The following MGST1 variants were observed in gnomAD, a reference collection of about 807,000 sequenced individuals.
The protein encoded by MGST1 is glutathione S-transferase 12.
MGST1 carries 5 observed loss-of-function variants against 8.9 expected under a neutral mutation model. The ratio of observed to expected loss-of-function variants is 0.56; its 90% CI spans 0.29 to 1.19. The LOEUF is 1.19. Ranked by LOEUF, MGST1 falls within the 50% of genes most tolerant of loss-of-function variation. The pLI is 0.08. For missense variants in MGST1, 182 were observed against 187.4 expected (o/e 0.97, Z 0.17); for synonymous variants, 54 against 67.8 (o/e 0.80, Z 1.00).
At chr12:16,528,836 G>T (rs2137198012) in intron 4 of MGST1, among the ~76,000 whole-genome samples, 1 of 152,172 alleles carries the variant, frequency 6.6e-6, no homozygotes. Flanking sequence ...GATTGGGGAT[G>T]CAGTGAGCCT....
intron 4 of MGST1, among the ~76,000 whole-genome samples, chr12:16,535,384 G>T (rs1010068237): frequency 2.0e-5 from 3 of 152,188 alleles, no homozygotes; most frequent in African/African-American, 7.2e-5. Context: ...GAAAGGTAAT[G>T]ATATTTAGAA....
chr12:16,554,089 TG>T (rs1047392442), intron 4 of MGST1, among the ~76,000 whole-genome samples: 4 of 152,228 alleles, frequency 2.6e-5, no homozygotes, highest in African/African-American at 9.6e-5. Context: ...TCTGATGTTT[TG>T]GAATTAATAT....
intron 1 of MGST1, chr12:16,349,235 A>T (rs1939344201): frequency 6.6e-6 from 1 of 152,138 alleles, no homozygotes. Context: ...CATGTGTTTC[A>T]CAATATTGAT....
chr12:16,394,575 T>TC (rs1565446472), intron 1 of MGST1, among the ~76,000 whole-genome samples: 4 of 73,300 alleles, frequency 5.5e-5, no homozygotes, highest in Non-Finnish European at 1.0e-4. Flanking sequence ...TCTTTCTTTC[T>TC]TCTCTCTGTC....
At chr12:16,507,961 G>A (rs1244350312) in intron 4 of MGST1, among the ~76,000 whole-genome samples, 1 of 152,146 alleles carries the variant, frequency 6.6e-6, no homozygotes, top group Non-Finnish European at 1.5e-5. Flanking sequence ...TGTGCCCTCT[G>A]CTCCAGCCAC....
intron 4 of MGST1, among the ~76,000 whole-genome samples, chr12:16,530,107 A>C (rs949159226): frequency 6.6e-6 from 1 of 152,126 alleles, no homozygotes; most frequent in Admixed American, 6.6e-5. Context: ...TCACTTTTCA[A>C]GCTTTAAAAA....
intron 4 of MGST1, among the ~76,000 whole-genome samples, chr12:16,581,757 T>A (rs990761522): frequency 4.6e-5 from 7 of 152,096 alleles, no homozygotes; most frequent in Non-Finnish European, 8.8e-5. Flanking sequence ...TTAAAAAGAT[T>A]TCTTCATATG....
chr12:16,554,118 T>C (rs1942096704), intron 4 of MGST1, among the ~76,000 whole-genome samples: 2 of 152,194 alleles, frequency 1.3e-5, no homozygotes, highest in South Asian at 4.1e-4. Flanking sequence ...AATTTCTAGA[T>C]ATTTTTGAGT....
chr12:16,359,261 C>A (rs1037007712), intron 3 of MGST1, among the ~76,000 whole-genome samples: 4 of 152,168 alleles, frequency 2.6e-5, no homozygotes, highest in African/African-American at 9.6e-5. Context: ...AGTGTTACAC[C>A]ATTTTTGAGG....
At position 16,555,696 on chromosome 12, in the gene MGST1, C is replaced by T. The variant is rs1053837110; in HGVS notation, n.483-33832C>T. ...CTACTCCTCCATGTGCCTACCAAACCGCTTCTCTAATCTCTGAACATACTG... is the reference window on the plus strand; with the variant it reads ...CTACTCCTCCATGTGCCTACCAAACTGCTTCTCTAATCTCTGAACATACTG... On this transcript the variant is annotated intron_variant and non_coding_transcript_variant, in intron 4 of 4. Coordinates refer to the MGST1 transcript ENST00000538857. This position sits in a 1 kb window ranked among gnomAD's most constrained non-coding sequence, Gnocchi z 5.5. Among the ~76,000 whole-genome samples, 4 of 152,086 alleles carry T rather than the reference C, an allele frequency of 2.6e-5. No individual in the cohort carries two copies. Among genetic ancestry groups the T allele is most frequent in the Admixed American group, 1.3e-4 (2 of 15,264 alleles).
At chr12:16,484,398 T>C (rs1394953247) in intron 4 of MGST1, among the ~76,000 whole-genome samples, 1 of 150,888 alleles carries the variant, frequency 6.6e-6, no homozygotes, top group Non-Finnish European at 1.5e-5. Flanking sequence ...AAAGAATCTG[T>C]TTTTTGTTTG....
chr12:16,450,583 A>G (rs1042182397), intron 4 of MGST1, among the ~76,000 whole-genome samples: 2 of 151,934 alleles, frequency 1.3e-5, no homozygotes, highest in Non-Finnish European at 2.9e-5. Context: ...TGCAAAATCC[A>G]ACTCAGAATC....
Position 16,513,633 on chromosome 12 carries a change from G to C in MGST1, n.483-75895G>C, listed in dbSNP as rs1941591585. The C allele has an allele frequency of 1.2e-5, 6 of 495,428 alleles. No homozygotes were observed. The highest frequency in any genetic ancestry group is 6.3e-4 in the Middle Eastern group (1 of 1,598). The allele number at this position is 495,428 out of a possible 1,614,324, so 30.7% of individuals were successfully genotyped here. A position where few individuals can be genotyped will look rare whatever the true frequency, so the allele number is the denominator to read the frequency against. On this transcript the variant is annotated intron_variant and non_coding_transcript_variant, in intron 4 of 4. Coordinates refer to the MGST1 transcript ENST00000538857. The surrounding 1 kb of genome is among the most constrained non-coding windows in gnomAD (Gnocchi z 4.2). ...AGCCTTACAGCATCCACAAGGCAGAGGCCCAGATTGCAGCCAAAAATTTGG... is the reference window on the plus strand; with the variant it reads ...AGCCTTACAGCATCCACAAGGCAGACGCCCAGATTGCAGCCAAAAATTTGG...
chr12:16,480,198 A>G (rs1156643844), intron 4 of MGST1, among the ~76,000 whole-genome samples: 2 of 140,068 alleles, frequency 1.4e-5, no homozygotes, highest in Non-Finnish European at 3.0e-5. Flanking sequence ...GCTGGAATGT[A>G]GTGGCATGAT....
chr12:16,354,514 G>A (rs547917765), intron 2 of MGST1, 136 bp downstream of exon 2: 6 of 762,472 alleles, frequency 7.9e-6, no homozygotes, highest in African/African-American at 3.7e-5. Flanking sequence ...GTATGCCATC[G>A]TTTGGCACAG....
intron 4 of MGST1, among the ~76,000 whole-genome samples, chr12:16,568,619 T>C (rs893154051): frequency 1.3e-5 from 2 of 152,228 alleles, no homozygotes; most frequent in African/African-American, 2.4e-5. Context: ...TCATGAATAA[T>C]TTTTGAAAAT....
chr12:16,462,323 A>G (rs900397286), intron 4 of MGST1, among the ~76,000 whole-genome samples: 3 of 152,190 alleles, frequency 2.0e-5, no homozygotes, highest in Non-Finnish European at 2.9e-5. Context: ...AGAAATTTCA[A>G]GTAAAAAGAT....
At position 16,559,981 on chromosome 12, in the gene MGST1, A is replaced by G. The variant is rs929427742; in HGVS notation, n.483-29547A>G. ...TATTTAAAAAAGCAAAAACAAAAAC[A>G]TGAGGGATAAGGAATTTAAAATATA... is the stretch of plus-strand genomic sequence containing the variant. On this transcript the variant is annotated intron_variant and non_coding_transcript_variant, in intron 4 of 4. Coordinates refer to the MGST1 transcript ENST00000538857. The surrounding 1 kb of genome is among the most constrained non-coding windows in gnomAD (Gnocchi z 4.1). Among the ~76,000 whole-genome samples the G allele has an allele frequency of 6.6e-6, 1 of 151,954 alleles. No individual in the cohort carries two copies.
intron 1 of MGST1, among the ~76,000 whole-genome samples, chr12:16,426,989 C>G (rs941218252): frequency 4.9e-5 from 7 of 143,138 alleles, no homozygotes; most frequent in Non-Finnish European, 1.1e-4. Context: ...AAAAAAAAAG[C>G]TGAACAAAAC....
Sources: gnomAD v4.1 joint callset for allele counts (sites outside exome capture counted in the v4.1 genomes callset) on GRCh38, gnomAD v4.1.1 for gene constraint, Gnocchi (gnomAD v3.1) non-coding constraint, MANE v1.5 for transcripts, NCBI Gene and HGNC (gene_info 2026-07-23, HGNC 2026-07-21) for gene names.